Variants in PCM1 observed in about 807,000 individuals in gnomAD.
The protein encoded by PCM1 is pericentriolar material 1 protein.
In PCM1, 157 loss-of-function variants were observed where a neutral mutation model predicts 241.9. The observed-to-expected ratio is 0.65, with a 90% CI of 0.57 to 0.74. The LOEUF (loss-of-function observed/expected upper bound fraction) is 0.74. PCM1 is among the 30% of genes least tolerant of loss of function. The pLI is 0.00. For missense variants in PCM1, 3,478 were observed against 2,360.1 expected, an observed-to-expected ratio of 1.47 and a Z score of -9.81; for synonymous variants, 1,085 against 784.9, an observed-to-expected ratio of 1.38 and a Z score of -6.39.
At chr8:17,979,449 G>A (rs1372764077) in intron 23 of PCM1, among the ~76,000 whole-genome samples, 1 of 152,174 alleles carries the variant, frequency 6.6e-6, no homozygotes, top group Non-Finnish European at 1.5e-5. Flanking sequence ...TGTTAAAGTG[G>A]CTGGTTATGG....
At chr8:17,964,228 A>T (rs73571760) in intron 17 of PCM1, among the ~76,000 whole-genome samples, 2,518 of 152,310 alleles carry the variant, frequency 0.017, 74 homozygotes, top group African/African-American at 0.058. Context: ...ACAGATACAG[A>T]TGATTGCCGT....
intron 36 of PCM1, among the ~76,000 whole-genome samples, chr8:18,023,070 A>G (rs1313280485): frequency 6.6e-6 from 1 of 152,202 alleles, no homozygotes; most frequent in African/African-American, 2.4e-5. Context: ...AATAACCATG[A>G]CAATCACATC....
chr8:17,942,508 A>AT (rs2062436699), intron 6 of PCM1, among the ~76,000 whole-genome samples: 1 of 152,108 alleles, frequency 6.6e-6, no homozygotes, highest in South Asian at 2.1e-4. Context: ...AGTTTGTCAG[A>AT]TTTTTTGGTT....
chr8:17,942,015 T>A (rs1168756933), intron 6 of PCM1, among the ~76,000 whole-genome samples: 1 of 152,230 alleles, frequency 6.6e-6, no homozygotes, highest in Non-Finnish European at 1.5e-5. Flanking sequence ...TTTTCTACTT[T>A]GTTATATACC....
At chr8:17,982,498 A>G (rs2081205203) in intron 24 of PCM1, 1 of 152,132 alleles carries the variant, frequency 6.6e-6, no homozygotes, top group Non-Finnish European at 1.5e-5. Flanking sequence ...AAGATTAAAA[A>G]AAAAATTTTT....
At position 17,950,576 on chromosome 8, in the gene PCM1, A is replaced by G. The variant is rs776171254; in HGVS notation, c.962-39A>G. ...TCTCAGAGATTAAAAAAGGTGTTTGATTATTTACATTAATCAGTAGTTACT... is the reference window on the plus strand; with the variant it reads ...TCTCAGAGATTAAAAAAGGTGTTTGGTTATTTACATTAATCAGTAGTTACT... On this transcript the variant is annotated intron_variant, in intron 7 of 38. Transcript: ENST00000325083. The G allele has an allele frequency of 6.0e-6, 6 of 993,026 alleles. No homozygotes were observed. The South Asian group carries it at 9.1e-5, about 15-fold the overall frequency. The allele number at this position is 993,026 out of a possible 1,614,324, so 61.5% of individuals were successfully genotyped here. A position where few individuals can be genotyped will look rare whatever the true frequency, so the allele number is the denominator to read the frequency against.
chr8:18,011,607 G>T, intron 33 of PCM1, 60 bp from the exon 34 acceptor site: 1 of 1,434,504 alleles, frequency 7.0e-7, no homozygotes, highest in Non-Finnish European at 9.5e-7. Flanking sequence ...GCAGTAAGTG[G>T]TAGCTATTGT....
intron 31 of PCM1, 111 bp from the exon 32 acceptor site, chr8:18,010,498 G>T: frequency 1.4e-6 from 1 of 713,326 alleles, no homozygotes. Flanking sequence ...AAGTAATACA[G>T]GCCAGGCTTA....
rs932897022 is a variant in PCM1, at chr8:17,964,511, G to A, written c.2655-57G>A. 5 of 1,277,164 alleles carry A rather than the reference G, an allele frequency of 3.9e-6. No individual in the cohort carries two copies. The East Asian group carries it at 9.4e-5, about 24-fold the overall frequency. The allele number at this position is 1,277,164 out of a possible 1,614,324, so 79.1% of individuals were successfully genotyped here. On this transcript the variant is annotated intron_variant, in intron 17 of 38. Transcript: ENST00000325083. ...AACAATGTCTGGCACATAGTAGGTGGCAGAGTATTTAACTTATCTCCAGAA... is the reference window on the plus strand; with the variant it reads ...AACAATGTCTGGCACATAGTAGGTGACAGAGTATTTAACTTATCTCCAGAA...
chr8:17,928,987 A>G (rs1038024881), intron 2 of PCM1, among the ~76,000 whole-genome samples: 1 of 152,136 alleles, frequency 6.6e-6, no homozygotes, highest in Non-Finnish European at 1.5e-5. Flanking sequence ...TTCTATTTTA[A>G]TAAAACTTTC....
rs150712497 is a variant in PCM1, at chr8:17,983,450, CCATT to C, written c.4109-1992_4109-1989del. 8.1e-3 allele frequency among the ~76,000 whole-genome samples: 1,227 copies of C among 151,998 alleles called. 11 individuals carry two copies. The highest frequency in any genetic ancestry group is 0.027 in the African/African-American group (1,107 of 41,426). ...AATTTATATTCATAAAATTCTGAAC[CCATT>C]CATTTATAATTCTTGGTAAAATTTG... On this transcript the variant is annotated intron_variant, in intron 24 of 38. Coordinates refer to ENST00000325083, the MANE Select transcript of PCM1 (RefSeq NM_006197.4).
Position 18,009,736 on chromosome 8 carries a change from G to T in PCM1, c.5152G>T (p.Ala1718Ser), listed in dbSNP as rs972375519. ...IEATGVIQSCAKEAKRILEDH... is the reference protein window; with the variant it reads ...IEATGVIQSCSKEAKRILEDH... ...AGCAACTGGAGTGATACAATCTTGTGCCAAAGAGGTAAATAACGTTCATTT... is the reference window on the plus strand; with the variant it reads ...AGCAACTGGAGTGATACAATCTTGTTCCAAAGAGGTAAATAACGTTCATTT... Residue 1718 changes from alanine (A) to serine (S), a missense_variant, in exon 31 of 39, where the codon GCC (alanine) becomes TCC (serine). By Grantham distance (99) the Ala-to-Ser change is moderately conservative. Transcript: ENST00000325083. 3 of 1,445,366 alleles carry T rather than the reference G, an allele frequency of 2.1e-6. No individual in the cohort carries two copies. The highest frequency in any genetic ancestry group is 1.8e-6 in the Non-Finnish European group (2 of 1,095,748). The allele number at this position is 1,445,366 out of a possible 1,614,324, so 89.5% of individuals were successfully genotyped here.
chr8:17,953,137 G>A lies in PCM1; in HGVS notation c.1239G>A (p.Leu413=). 6.3e-7 allele frequency: 1 copy of A among 1,590,562 alleles called. No homozygotes were observed. The highest frequency in any genetic ancestry group is 8.6e-7 in the Non-Finnish European group (1 of 1,167,624). ...AAAAGAAACAAAAAATGGACAAATT[G>A]CTTGGAGAACTTCATACACTTCGAG... ...LQEKKQKMDK[L]LGELHTLRDQ... is the part of the protein sequence containing the mutation. The change falls in exon 9 of 39, where the codon TTG becomes TTA. Residue 413 remains leucine, a synonymous_variant. Transcript: ENST00000325083.
At chr8:17,961,352 C>G (rs2071922982) in intron 15 of PCM1, among the ~76,000 whole-genome samples, 1 of 126,304 alleles carries the variant, frequency 7.9e-6, no homozygotes, top group Non-Finnish European at 1.5e-5. Flanking sequence ...GCTCTGTGGC[C>G]CAGGTGGGAG....
In PCM1 at chr8:17,955,509, C is replaced by T. The variant is rs767080180; in HGVS notation, c.1328C>T (p.Ala443Val). 10 of 1,613,288 alleles carry T rather than the reference C, an allele frequency of 6.2e-6. No homozygotes were observed. Among genetic ancestry groups the T allele is most frequent in the East Asian group, 4.5e-5 (2 of 44,876 alleles). The change falls in exon 10 of 39, where the codon GCT (alanine) becomes GTT (valine). Residue 443 changes from alanine to valine, a missense_variant. By Grantham distance (64) the Ala-to-Val change is moderately conservative. Coordinates refer to ENST00000325083, the MANE Select transcript of PCM1 (RefSeq NM_006197.4). ...AGTGTCGATCAGAGAAGTACTTCAG[C>T]TCCCTCTGCTTCTGTAGGCTTGGCA... ...QRSVDQRSTS[A>V]PSASVGLAPV...
intron 16 of PCM1, 134 bp downstream of exon 16, chr8:17,962,308 CT>C: frequency 1.4e-5 from 7 of 494,526 alleles, no homozygotes; most frequent in South Asian, 5.1e-5. Context: ...TGCTTTGTGC[CT>C]TTTTTAGTAG....
intron 31 of PCM1, 24 bp from the exon 32 acceptor site, chr8:18,010,585 C>CTTTA: frequency 1.3e-6 from 2 of 1,557,446 alleles, no homozygotes; most frequent in African/African-American, 1.4e-5. Flanking sequence ...TTGCTAAATT[C>CTTTA]TGTGTAATTG....
intron 31 of PCM1, among the ~76,000 whole-genome samples, chr8:18,010,274 A>G (rs1278749043): frequency 6.6e-6 from 1 of 152,110 alleles, no homozygotes; most frequent in Non-Finnish European, 1.5e-5. Flanking sequence ...TTTTCCCTAG[A>G]TGTGTACCCT....
chr8:18,008,701 A>G (rs2091956438), intron 30 of PCM1, among the ~76,000 whole-genome samples: 1 of 152,196 alleles, frequency 6.6e-6, no homozygotes. Flanking sequence ...AAGGTGGAAG[A>G]TGAGTCTTTT....
Sources: allele counts gnomAD v4.1 joint callset (sites outside exome capture counted in the v4.1 genomes callset), GRCh38; gene constraint gnomAD v4.1.1; transcripts MANE v1.5; gene names NCBI Gene and HGNC (gene_info 2026-07-23, HGNC 2026-07-21).